XRN2: variants seen among roughly 807,000 people sequenced by gnomAD.
XRN2 encodes the protein 5'-3' exoribonuclease 2.
In XRN2, 44 loss-of-function variants were observed where a neutral mutation model predicts 138.5. That is an observed-to-expected ratio of 0.32 (90% CI 0.25 to 0.41). The LOEUF (loss-of-function observed/expected upper bound fraction) is 0.41. XRN2 is among the 10% of genes least tolerant of loss of function. The pLI is 1.00. For missense variants in XRN2, 937 were observed against 1,169.3 expected, an observed-to-expected ratio of 0.80 and a Z score of 2.90; for synonymous variants, 354 against 369.4, an observed-to-expected ratio of 0.96 and a Z score of 0.48.
chr20:21,338,909 T>A, intron 13 of XRN2, 135 bp from the exon 14 acceptor site: 1 of 742,536 alleles, frequency 1.3e-6, no homozygotes, highest in Non-Finnish European at 2.3e-6. Flanking sequence ...TCTTATTGCC[T>A]GGTTTAATCA....
intron 20 of XRN2, among the ~76,000 whole-genome samples, chr20:21,349,953 A>C (rs1488511237): frequency 6.6e-6 from 1 of 152,230 alleles, no homozygotes; most frequent in Non-Finnish European, 1.5e-5. Flanking sequence ...GGCTTGTTAC[A>C]TTCAGTCAGT....
chr20:21,350,748 C>CA (rs1468107089), intron 20 of XRN2, among the ~76,000 whole-genome samples: 1 of 151,620 alleles, frequency 6.6e-6, no homozygotes, highest in Non-Finnish European at 1.5e-5. Flanking sequence ...AATCTTGAGA[C>CA]AAAGGGGGAA....
chr20:21,338,975 C>A, intron 13 of XRN2, 69 bp from the exon 14 acceptor site: 1 of 1,441,338 alleles, frequency 6.9e-7, no homozygotes, highest in Non-Finnish European at 9.6e-7. Context: ...CCAAATCATT[C>A]CTGGTAATGC....
In XRN2 at chr20:21,330,649, C is replaced by T. The variant is rs762477878; in HGVS notation, c.520C>T (p.Leu174Phe). The change falls in exon 6 of 30, where the codon CTT becomes TTT. Residue 174 changes from leucine to phenylalanine, a missense_variant. By Grantham distance (22) the Leu-to-Phe change is conservative. Transcript: ENST00000377191. The part of the protein sequence containing the change: ...TEFMDNLAKC[L>F]RYYIADRLNN... ...ATTCATGGACAATCTTGCTAAATGC[C>T]TTCGCTATTACATAGCTGATCGTTT... The T allele has an allele frequency of 1.2e-6, 2 of 1,613,532 alleles. No homozygotes were observed. Among genetic ancestry groups the T allele is most frequent in the Non-Finnish European group, 1.7e-6 (2 of 1,179,980 alleles).
At chr20:21,323,237 C>T (rs2038072474) in intron 1 of XRN2, among the ~76,000 whole-genome samples, 1 of 152,218 alleles carries the variant, frequency 6.6e-6, no homozygotes, top group Admixed American at 6.5e-5. Context: ...TTTTAGGTAT[C>T]ACTCATCATT....
intron 24 of XRN2, among the ~76,000 whole-genome samples, chr20:21,358,995 A>G (rs2122287629): frequency 6.6e-6 from 1 of 152,250 alleles, no homozygotes; most frequent in South Asian, 2.1e-4. Flanking sequence ...GGATTGTCAC[A>G]TGTTTGCTTG....
chr20:21,318,295 TTG>T (rs2037988279), intron 1 of XRN2, among the ~76,000 whole-genome samples: 1 of 152,202 alleles, frequency 6.6e-6, no homozygotes, highest in Non-Finnish European at 1.5e-5. Context: ...TTCTAGTAAC[TTG>T]AGTCTTCCCT....
At chr20:21,343,803 C>A (rs2038401664) in intron 15 of XRN2, among the ~76,000 whole-genome samples, 1 of 151,440 alleles carries the variant, frequency 6.6e-6, no homozygotes, top group Non-Finnish European at 1.5e-5. Context: ...TTTTAAAAAT[C>A]TATAAAATTA....
intron 1 of XRN2, among the ~76,000 whole-genome samples, chr20:21,313,871 C>T (rs894536806): frequency 6.6e-6 from 1 of 152,194 alleles, no homozygotes; most frequent in Non-Finnish European, 1.5e-5. Flanking sequence ...TCTATTTTCT[C>T]TAATATGATT....
intron 1 of XRN2, among the ~76,000 whole-genome samples, chr20:21,316,317 T>C (rs994174249): frequency 1.3e-5 from 2 of 152,244 alleles, no homozygotes; most frequent in African/African-American, 4.8e-5. Context: ...TCTGCTTTTT[T>C]CTTTTATCGT....
At position 21,344,169 on chromosome 20, in the gene XRN2, AAGAC is replaced by A. The variant is rs1348191445; in HGVS notation, c.1493_1496del (p.Asp498ValfsTer97). 1.2e-6 allele frequency: 2 copies of A among 1,613,522 alleles called. No individual in the cohort carries two copies. Among genetic ancestry groups the A allele is most frequent in the Non-Finnish European group, 1.7e-6 (2 of 1,179,498 alleles). ...TTAGGAGGAATTAAGCGAAAAGCAG[AAGAC>A]AGTGACAGTGAACCTGAGCCAGAGG... On this transcript the variant is annotated frameshift_variant, in exon 16 of 30. Coordinates refer to ENST00000377191, the MANE Select transcript of XRN2 (RefSeq NM_012255.5). LOFTEE classifies it high-confidence loss of function.
intron 1 of XRN2, among the ~76,000 whole-genome samples, chr20:21,320,482 G>A (rs1166526299): frequency 6.6e-6 from 1 of 151,892 alleles, no homozygotes; most frequent in African/African-American, 2.4e-5. Context: ...TGTATTTTTA[G>A]TAGAGACAGG....
intron 1 of XRN2, 62 bp from the exon 2 acceptor site, chr20:21,326,217 C>G: frequency 6.5e-7 from 1 of 1,543,086 alleles, no homozygotes; most frequent in Non-Finnish European, 8.9e-7. Context: ...CATATTGAGC[C>G]TAGGATCTGT....
At chr20:21,334,473 G>A (rs1477673399) in intron 13 of XRN2, among the ~76,000 whole-genome samples, 1 of 152,072 alleles carries the variant, frequency 6.6e-6, no homozygotes, top group African/African-American at 2.4e-5. Context: ...TTGAAATGCG[G>A]GTACCAAGGC....
At chr20:21,315,026 C>G (rs970592879) in intron 1 of XRN2, among the ~76,000 whole-genome samples, 2 of 152,146 alleles carry the variant, frequency 1.3e-5, no homozygotes, top group Admixed American at 1.3e-4. Flanking sequence ...GAAAGGCAGC[C>G]CACTCTGGGT....
intron 1 of XRN2, among the ~76,000 whole-genome samples, chr20:21,308,340 A>G (rs966959130): frequency 6.6e-6 from 1 of 152,196 alleles, no homozygotes; most frequent in African/African-American, 2.4e-5. Flanking sequence ...GTAGGGACGT[A>G]TGCTTGCATT....
intron 1 of XRN2, among the ~76,000 whole-genome samples, chr20:21,325,703 C>A (rs1461441042): frequency 6.6e-6 from 1 of 152,164 alleles, no homozygotes; most frequent in Non-Finnish European, 1.5e-5. Flanking sequence ...AGGAAGGCTC[C>A]AGGCTCATTG....
At chr20:21,341,189 C>T (rs2122234930) in intron 15 of XRN2, among the ~76,000 whole-genome samples, 1 of 152,288 alleles carries the variant, frequency 6.6e-6, no homozygotes, top group East Asian at 1.9e-4. Flanking sequence ...CTTCTCCCTT[C>T]TCCAAAGAAT....
intron 1 of XRN2, among the ~76,000 whole-genome samples, chr20:21,320,172 T>G (rs966638026): frequency 6.6e-6 from 1 of 152,182 alleles, no homozygotes; most frequent in Non-Finnish European, 1.5e-5. Flanking sequence ...TTTTCTGGAC[T>G]GAGAATTCTT....
Sources: gnomAD v4.1 joint callset for allele counts (sites outside exome capture counted in the v4.1 genomes callset) on GRCh38, gnomAD v4.1.1 for gene constraint, MANE v1.5 for transcripts, NCBI Gene and HGNC (gene_info 2026-07-23, HGNC 2026-07-21) for gene names.